The following WDFY2 variants were observed in gnomAD, a reference collection of about 807,000 sequenced individuals.
WDFY2 encodes the protein WD repeat and FYVE domain-containing protein 2.
In WDFY2, 36 loss-of-function variants were observed where a neutral mutation model predicts 56.4. That is an observed-to-expected ratio of 0.64 (90% confidence interval 0.49 to 0.84). The LOEUF is 0.84. WDFY2 is among the 40% of genes least tolerant of loss of function. The probability of loss-of-function intolerance (pLI) is 0.00; values close to 1 mark genes in which losing one functional copy is unlikely to be tolerated. For synonymous variants in WDFY2, 176 were observed against 183.7 expected (o/e 0.96, Z 0.34); for missense variants, 444 against 512.2 (o/e 0.87, Z 1.29).
At chr13:51,654,497 C>T (rs748767700) in intron 1 of WDFY2, among the ~76,000 whole-genome samples, 1 of 152,170 alleles carries the variant, frequency 6.6e-6, no homozygotes, top group Non-Finnish European at 1.5e-5. Context: ...GCGTCGCTCA[C>T]GGTAGGAGCT....
At chr13:51,614,166 A>ACAGTG (rs1954559987) in intron 1 of WDFY2, among the ~76,000 whole-genome samples, 1 of 147,358 alleles carries the variant, frequency 6.8e-6, no homozygotes, top group Non-Finnish European at 1.5e-5. Flanking sequence ...AGCCTGGGCG[A>ACAGTG]CAGTGCGAGA....
chr13:51,652,182 CT>C (rs1955404131), intron 1 of WDFY2, among the ~76,000 whole-genome samples: 1 of 152,114 alleles, frequency 6.6e-6, no homozygotes, highest in African/African-American at 2.4e-5. Flanking sequence ...CTCTTTTGAT[CT>C]TTGTTGGTTT....
chr13:51,706,779 A>G (rs1450871497), intron 4 of WDFY2, among the ~76,000 whole-genome samples: 1 of 152,234 alleles, frequency 6.6e-6, no homozygotes, highest in Admixed American at 6.5e-5. Flanking sequence ...CCCTACAACA[A>G]AAACAAGCAC....
intron 1 of WDFY2, among the ~76,000 whole-genome samples, chr13:51,609,668 T>C (rs559210067): frequency 7.6e-6 from 1 of 132,258 alleles, no homozygotes; most frequent in African/African-American, 2.9e-5. Context: ...GAGAATATTT[T>C]AGAAAGGAGA....
intron 5 of WDFY2, among the ~76,000 whole-genome samples, chr13:51,726,641 C>G (rs570862323): frequency 1.3e-5 from 2 of 152,238 alleles, no homozygotes; most frequent in Non-Finnish European, 2.9e-5. Context: ...CAGTGAGCCA[C>G]TCTTATCAGT....
chr13:51,747,887 C>T (rs1293900537), intron 7 of WDFY2, among the ~76,000 whole-genome samples: 2 of 152,198 alleles, frequency 1.3e-5, no homozygotes, highest in African/African-American at 4.8e-5. Context: ...TAGGACCTCT[C>T]TGGGAAATCT....
At chr13:51,752,401 C>T (rs926333917) in intron 8 of WDFY2, among the ~76,000 whole-genome samples, 3 of 152,158 alleles carry the variant, frequency 2.0e-5, no homozygotes, top group Admixed American at 6.6e-5. Flanking sequence ...AGGCTGGGAT[C>T]GTTGTGATGA....
intron 1 of WDFY2, among the ~76,000 whole-genome samples, chr13:51,601,825 A>T (rs1326874043): frequency 6.6e-6 from 1 of 152,214 alleles, no homozygotes; most frequent in Non-Finnish European, 1.5e-5. Flanking sequence ...CTCTGGAAGA[A>T]GATGCAGAGG....
chr13:51,728,067 T>C (rs183920297), intron 6 of WDFY2, among the ~76,000 whole-genome samples: 2 of 152,348 alleles, frequency 1.3e-5, no homozygotes, highest in Non-Finnish European at 1.5e-5. Flanking sequence ...AGTGTTGGCA[T>C]ACATTAATGA....
chr13:51,741,390 T>C (rs769329569), intron 7 of WDFY2, among the ~76,000 whole-genome samples: 2 of 152,224 alleles, frequency 1.3e-5, no homozygotes, highest in Non-Finnish European at 2.9e-5. Flanking sequence ...TGCTCTGGTA[T>C]CACAGAGCCA....
chr13:51,748,914 A>G (rs1953163960), intron 7 of WDFY2, among the ~76,000 whole-genome samples: 1 of 152,198 alleles, frequency 6.6e-6, no homozygotes, highest in Non-Finnish European at 1.5e-5. Flanking sequence ...TTCATATTCC[A>G]GAACAAATAG....
intron 9 of WDFY2, 71 bp downstream of exon 9, chr13:51,755,530 A>G (rs1411638040): frequency 4.0e-5 from 58 of 1,467,146 alleles, no homozygotes; most frequent in Non-Finnish European, 2.9e-6. Context: ...CTTAGAAGAA[A>G]TAACACCCCT....
At chr13:51,632,968 G>T (rs1422461573) in intron 1 of WDFY2, among the ~76,000 whole-genome samples, 1 of 152,174 alleles carries the variant, frequency 6.6e-6, no homozygotes, top group Non-Finnish European at 1.5e-5. Context: ...AAAAACGTTA[G>T]ATTTACTGTG....
chr13:51,729,841 T>G (rs1952685501), intron 6 of WDFY2, among the ~76,000 whole-genome samples: 1 of 152,212 alleles, frequency 6.6e-6, no homozygotes, highest in African/African-American at 2.4e-5. Context: ...AACATAAAGT[T>G]TACCATTTTA....
At chr13:51,635,240 C>A (rs1032184165) in intron 1 of WDFY2, among the ~76,000 whole-genome samples, 2 of 152,102 alleles carry the variant, frequency 1.3e-5, no homozygotes, top group Non-Finnish European at 1.5e-5. Flanking sequence ...ACTGCACCCC[C>A]GGCAGGAAGT....
intron 2 of WDFY2, among the ~76,000 whole-genome samples, chr13:51,674,210 T>G (rs1265351300): frequency 6.6e-6 from 1 of 152,190 alleles, no homozygotes; most frequent in Non-Finnish European, 1.5e-5. Context: ...TGATTGTGAT[T>G]ATGATAATAG....
chr13:51,696,725 A>T (rs1409495764), intron 3 of WDFY2, among the ~76,000 whole-genome samples: 5 of 152,360 alleles, frequency 3.3e-5, no homozygotes, highest in Admixed American at 2.6e-4. Context: ...AGCCTTAAAA[A>T]AGAAAAAGAA....
chr13:51,750,109 C>T (rs1450134537), intron 7 of WDFY2, among the ~76,000 whole-genome samples: 1 of 152,050 alleles, frequency 6.6e-6, no homozygotes, highest in Non-Finnish European at 1.5e-5. Context: ...ATTTTATGAA[C>T]TTGGATTCTT....
chr13:51,660,003 A>G (rs993541675), intron 1 of WDFY2, among the ~76,000 whole-genome samples: 1 of 152,238 alleles, frequency 6.6e-6, no homozygotes, highest in African/African-American at 2.4e-5. Flanking sequence ...CAAAACAACA[A>G]GAACGAAAAT....
Sources: allele counts gnomAD v4.1 joint callset (sites outside exome capture counted in the v4.1 genomes callset), GRCh38; gene constraint gnomAD v4.1.1; transcripts MANE v1.5; gene names NCBI Gene and HGNC (gene_info 2026-07-23, HGNC 2026-07-21).